GDAP1: variants seen among roughly 807,000 people sequenced by gnomAD.
GDAP1 encodes the protein ganglioside-induced differentiation-associated protein 1.
Under a neutral mutation model 40.1 loss-of-function variants are expected in GDAP1, and 34 were observed. The observed-to-expected ratio is 0.85, with a 90% CI of 0.64 to 1.13. GDAP1 has a LOEUF of 1.13. GDAP1 is among the 50% of genes most tolerant of loss of function. The pLI, the probability that GDAP1 is intolerant of heterozygous loss-of-function variation, is 0.00. For missense variants in GDAP1, 374 were observed against 433.7 expected, an observed-to-expected ratio of 0.86 and a Z score of 1.22; for synonymous variants, 170 against 157.4, an observed-to-expected ratio of 1.08 and a Z score of -0.60.
intron 2 of GDAP1, among the ~76,000 whole-genome samples, chr8:74,487,795 C>G (rs562069872): frequency 6.6e-6 from 1 of 152,178 alleles, no homozygotes; most frequent in Admixed American, 6.6e-5. Context: ...CTGGATTGAG[C>G]TTTGAGGTCC....
intron 2 of GDAP1, among the ~76,000 whole-genome samples, chr8:74,473,053 C>CT (rs1806579945): frequency 6.7e-6 from 1 of 150,208 alleles, no homozygotes; most frequent in Non-Finnish European, 1.5e-5. Context: ...CCCAGCCGAG[C>CT]TTTTTTTCCT....
intron 2 of GDAP1, among the ~76,000 whole-genome samples, chr8:74,421,332 T>TC (rs1312589282): frequency 6.6e-6 from 1 of 152,098 alleles, no homozygotes; most frequent in African/African-American, 2.4e-5. Context: ...CTTTTTTTTT[T>TC]CCCTATAGGG....
chr8:74,456,001 T>C (rs1405956115), intron 2 of GDAP1, among the ~76,000 whole-genome samples: 1 of 151,968 alleles, frequency 6.6e-6, no homozygotes, highest in East Asian at 1.9e-4. Flanking sequence ...TCCAAGTCTT[T>C]CTCAAAGAGA....
intron 2 of GDAP1, among the ~76,000 whole-genome samples, chr8:74,386,579 T>C (rs1563454092): frequency 1.3e-5 from 2 of 152,236 alleles, no homozygotes; most frequent in South Asian, 4.1e-4. Context: ...GCGATTTTTG[T>C]TACTGTAGCC....
chr8:74,351,497 AT>A, intron 2 of GDAP1, 31 bp downstream of exon 2: 1 of 1,461,708 alleles, frequency 6.8e-7, no homozygotes, highest in Non-Finnish European at 9.6e-7. Flanking sequence ...GATTTCTTGG[AT>A]TTACTTTCAA....
intron 2 of GDAP1, among the ~76,000 whole-genome samples, chr8:74,394,415 T>C (rs1222419040): frequency 9.9e-5 from 15 of 152,170 alleles, no homozygotes; most frequent in Admixed American, 9.8e-4. Flanking sequence ...TGCCTCAAGA[T>C]AGGAGAGGTA....
intron 2 of GDAP1, among the ~76,000 whole-genome samples, chr8:74,381,811 C>T (rs1198735422): frequency 1.3e-5 from 2 of 150,820 alleles, no homozygotes; most frequent in Non-Finnish European, 3.0e-5. Context: ...AACACTGAAA[C>T]TCCTGATAGT....
intron 2 of GDAP1, among the ~76,000 whole-genome samples, chr8:74,374,435 C>G (rs1189786965): frequency 6.6e-6 from 1 of 151,978 alleles, no homozygotes; most frequent in African/African-American, 2.4e-5. Flanking sequence ...TAAGTTTCCA[C>G]TTAAAGAGCT....
At chr8:74,455,677 C>T (rs952492050) in intron 2 of GDAP1, among the ~76,000 whole-genome samples, 5 of 151,728 alleles carry the variant, frequency 3.3e-5, no homozygotes, top group African/African-American at 1.2e-4. Flanking sequence ...TAACATTTCT[C>T]AAAATTTGGA....
intron 2 of GDAP1, among the ~76,000 whole-genome samples, chr8:74,484,392 A>G (rs1806749650): frequency 6.6e-6 from 1 of 152,180 alleles, no homozygotes; most frequent in Admixed American, 6.6e-5. Context: ...TATAGCAGAC[A>G]TTGCATTTGT....
Position 74,351,430 on chromosome 8 carries a change from C to G in GDAP1, c.274C>G (p.Gln92Glu). The change falls in exon 2 of 6, where the codon CAG becomes GAG. Residue 92 changes from glutamine (Q) to glutamate (E), a missense_variant. Gln to Glu is a conservative substitution (Grantham distance 29, BLOSUM62 2). Coordinates refer to ENST00000220822, the MANE Select transcript of GDAP1 (RefSeq NM_018972.4). The part of the protein sequence containing the change: ...HGENIICEAT[Q>E]IIDYLEQTFL... ...GGAAAACATAATTTGTGAGGCCACT[C>G]AGATCATTGATTATCTTGAACAGAC... 6.2e-7 allele frequency: 1 copy of G among 1,613,932 alleles called. No homozygotes were observed. Among genetic ancestry groups the G allele is most frequent in the Non-Finnish European group, 8.5e-7 (1 of 1,179,782 alleles).
intron 2 of GDAP1, among the ~76,000 whole-genome samples, chr8:74,387,544 G>A (rs925889340): frequency 1.3e-5 from 2 of 152,224 alleles, no homozygotes; most frequent in African/African-American, 4.8e-5. Context: ...CTTGATCATG[G>A]TGGATAAGCT....
chr8:74,485,787 T>A (rs892522690), intron 2 of GDAP1, among the ~76,000 whole-genome samples: 1 of 151,280 alleles, frequency 6.6e-6, no homozygotes, highest in East Asian at 1.9e-4. Context: ...CTGGGGAAAA[T>A]GGTTTGTTGG....
intron 2 of GDAP1, among the ~76,000 whole-genome samples, chr8:74,420,410 A>G (rs140910859): frequency 4.3e-4 from 66 of 152,298 alleles, no homozygotes; most frequent in African/African-American, 1.6e-3. Context: ...AAATGAAGGT[A>G]TCAAAGAGAA....
At chr8:74,424,221 A>G (rs1586830912) in intron 2 of GDAP1, among the ~76,000 whole-genome samples, 1 of 152,236 alleles carries the variant, frequency 6.6e-6, no homozygotes, top group Middle Eastern at 3.4e-3. Flanking sequence ...GTTATACTGT[A>G]TTGTTTAGGG....
At chr8:74,356,784 G>T (rs1239501089) in intron 2 of GDAP1, among the ~76,000 whole-genome samples, 1 of 142,822 alleles carries the variant, frequency 7.0e-6, no homozygotes, top group African/African-American at 2.6e-5. Flanking sequence ...GCGCAATCTC[G>T]GCTCCCTGCA....
chr8:74,375,820 T>C (rs1362689072), intron 2 of GDAP1, among the ~76,000 whole-genome samples: 1 of 152,174 alleles, frequency 6.6e-6, no homozygotes, highest in African/African-American at 2.4e-5. Flanking sequence ...AGGTATAAAA[T>C]TTTAAAGGAA....
intron 2 of GDAP1, among the ~76,000 whole-genome samples, chr8:74,421,960 C>T (rs1805862369): frequency 1.3e-5 from 2 of 152,022 alleles, no homozygotes; most frequent in Non-Finnish European, 2.9e-5. Flanking sequence ...ATTGCTAAAC[C>T]TGGTCTTTGT....
At chr8:74,435,205 A>G (rs1439831138) in intron 2 of GDAP1, among the ~76,000 whole-genome samples, 1 of 152,254 alleles carries the variant, frequency 6.6e-6, no homozygotes, top group Non-Finnish European at 1.5e-5. Context: ...ACTGAGAGAT[A>G]GTAAGTAATG....
Sources: gnomAD v4.1 joint callset for allele counts (sites outside exome capture counted in the v4.1 genomes callset) on GRCh38, gnomAD v4.1.1 for gene constraint, MANE v1.5 for transcripts, NCBI Gene and HGNC (gene_info 2026-07-23, HGNC 2026-07-21) for gene names.